Variants in TRPS1 observed in about 807,000 individuals in gnomAD.
TRPS1 encodes transcriptional repressor GATA binding 1.
A neutral mutation model predicts 101.2 loss-of-function variants in TRPS1; 6 were observed. The ratio of observed to expected loss-of-function variants is 0.06; its 90% CI spans 0.03 to 0.12. TRPS1 has a LOEUF of 0.12. TRPS1 is among the 10% of genes least tolerant of loss of function. The pLI, the probability that TRPS1 is intolerant of heterozygous loss-of-function variation, is 1.00. For synonymous variants in TRPS1, 578 were observed against 589.8 expected, an observed-to-expected ratio of 0.98 and a Z score of 0.29; for missense variants, 1,363 against 1,567.0, an observed-to-expected ratio of 0.87 and a Z score of 2.20.
intron 1 of TRPS1, among the ~76,000 whole-genome samples, chr8:115,666,898 A>G (rs1439046348): frequency 6.8e-6 from 1 of 147,510 alleles, no homozygotes; most frequent in Non-Finnish European, 1.5e-5. Context: ...TGTGTTTACA[A>G]AAGTTCAATG....
chr8:115,655,894 G>A (rs1408857497), intron 1 of TRPS1, among the ~76,000 whole-genome samples: 1 of 151,996 alleles, frequency 6.6e-6, no homozygotes, highest in African/African-American at 2.4e-5. Context: ...ACACAACACC[G>A]ATGTGATTAC....
intron 1 of TRPS1, among the ~76,000 whole-genome samples, chr8:115,630,001 A>G (rs1406922418): frequency 6.6e-6 from 1 of 151,926 alleles, no homozygotes; most frequent in East Asian, 1.9e-4. Context: ...TTATTGCATT[A>G]TTTTACCCCC....
intron 5 of TRPS1, among the ~76,000 whole-genome samples, chr8:115,477,991 C>T (rs1814647929): frequency 1.3e-5 from 2 of 152,144 alleles, no homozygotes; most frequent in Admixed American, 6.6e-5. Context: ...TCCTCCCTTT[C>T]TCCCTTTCCT....
chr8:115,413,423 G>A lies in TRPS1; in HGVS notation c.*600C>T, dbSNP rs1812834864. On this transcript the variant is annotated 3_prime_UTR_variant, in exon 7 of 7. Coordinates refer to ENST00000395715, the MANE Select transcript of TRPS1 (RefSeq NM_014112.5). ...ACAGCGTGCCACCATCTGTCATGTTGCTTGCTGCACTCTAACCAAGCCTAA... is the reference window on the plus strand; with the variant it reads ...ACAGCGTGCCACCATCTGTCATGTTACTTGCTGCACTCTAACCAAGCCTAA... 1 of 152,796 alleles carries A rather than the reference G, an allele frequency of 6.5e-6. No individual in the cohort carries two copies. Among genetic ancestry groups the A allele is most frequent in the Non-Finnish European group, 1.5e-5 (1 of 68,242 alleles). 9.5% of individuals were successfully genotyped at this position (152,796 alleles called of 1,614,324 possible).
At chr8:115,553,078 G>A (rs945381816) in intron 5 of TRPS1, among the ~76,000 whole-genome samples, 17 of 152,036 alleles carry the variant, frequency 1.1e-4, no homozygotes, top group African/African-American at 4.8e-5. Context: ...AACTCAAAGC[G>A]TGTGTCCTAA....
chr8:115,529,045 C>G (rs1270523704), intron 5 of TRPS1, among the ~76,000 whole-genome samples: 1 of 151,802 alleles, frequency 6.6e-6, no homozygotes, highest in Admixed American at 6.6e-5. Flanking sequence ...ATTAAGGAAC[C>G]AATGCTATGA....
At chr8:115,608,376 C>T (rs1818087219) in intron 3 of TRPS1, among the ~76,000 whole-genome samples, 1 of 152,196 alleles carries the variant, frequency 6.6e-6, no homozygotes, top group Non-Finnish European at 1.5e-5. Context: ...TTGTGTCAGA[C>T]TCTGCAATAG....
rs1024281568 is a variant in TRPS1, at chr8:115,411,783, CTTTCTCT to C, written c.*2233_*2239del. ...ACTTAGTCCTGATTTCTGTCTCTTG[CTTTCTCT>C]TTTCTCTTTTTTTAATATGCAAACA... On this transcript the variant is annotated 3_prime_UTR_variant, in exon 7 of 7. Coordinates refer to ENST00000395715, the MANE Select transcript of TRPS1 (RefSeq NM_014112.5). 2.0e-5 allele frequency: 3 copies of C among 152,128 alleles called. No homozygotes were observed. Among genetic ancestry groups the C allele is most frequent in the African/African-American group, 4.8e-5 (2 of 41,418 alleles). The allele number at this position is 152,128 out of a possible 1,614,324, so 9.4% of individuals were successfully genotyped here. A position where few individuals can be genotyped will look rare whatever the true frequency, so the allele number is the denominator to read the frequency against.
chr8:115,557,952 A>G (rs1357442956), intron 5 of TRPS1, among the ~76,000 whole-genome samples: 2 of 152,114 alleles, frequency 1.3e-5, no homozygotes, highest in African/African-American at 4.8e-5. Context: ...CAAAAACACT[A>G]CTACTTGTAA....
intron 5 of TRPS1, among the ~76,000 whole-genome samples, chr8:115,586,334 G>C (rs1243844779): frequency 6.6e-6 from 1 of 152,116 alleles, no homozygotes; most frequent in Non-Finnish European, 1.5e-5. Context: ...CTTACTCAGA[G>C]GTTTTGTTTT....
At chr8:115,515,024 A>C (rs948371346) in intron 5 of TRPS1, among the ~76,000 whole-genome samples, 3 of 151,704 alleles carry the variant, frequency 2.0e-5, no homozygotes, top group African/African-American at 4.8e-5. Flanking sequence ...GATCAAGTAC[A>C]TACTTAAGAT....
chr8:115,601,452 T>C (rs1382118923), intron 4 of TRPS1, among the ~76,000 whole-genome samples: 5 of 152,176 alleles, frequency 3.3e-5, no homozygotes. Flanking sequence ...AGTTTCTTTA[T>C]CTTTTCTACT....
At chr8:115,533,458 T>TTTTTTTTTTTTTTTTG (rs1816200077) in intron 5 of TRPS1, among the ~76,000 whole-genome samples, 2 of 134,874 alleles carry the variant, frequency 1.5e-5, no homozygotes, top group African/African-American at 2.8e-5. Flanking sequence ...TTTTTTTTTT[T>TTTTTTTTTTTTTTTTG]TCCTGAAAAA....
rs1586274571 is a variant in TRPS1, at chr8:115,439,381, C to A, written c.2701-20929G>T. ...ATTGAGCTAGTGGACATGGCAGAGA[C>A]AAATAAAGCAAAGTCATTATGAAGT... On this transcript the variant is annotated intron_variant, in intron 5 of 6. Transcript: ENST00000395715. Among the ~76,000 whole-genome samples, 6 of 152,248 alleles carry A rather than the reference C, an allele frequency of 3.9e-5. 1 individual carries two copies. Among genetic ancestry groups the A allele is most frequent in the Admixed American group, 3.9e-4 (6 of 15,300 alleles).
chr8:115,594,792 A>G (rs1817751506), intron 4 of TRPS1, among the ~76,000 whole-genome samples: 1 of 151,952 alleles, frequency 6.6e-6, no homozygotes, highest in African/African-American at 2.4e-5. Flanking sequence ...GAATGCTTCT[A>G]GAAAAAAATC....
intron 5 of TRPS1, among the ~76,000 whole-genome samples, chr8:115,559,996 C>A (rs1469190429): frequency 6.6e-6 from 1 of 151,980 alleles, no homozygotes; most frequent in Non-Finnish European, 1.5e-5. Flanking sequence ...ACTAGGTTCC[C>A]AAAGCACAAG....
Position 115,498,385 on chromosome 8 carries a change from C to G in TRPS1, c.2701-79933G>C, listed in dbSNP as rs920523231. Among the ~76,000 whole-genome samples the G allele has an allele frequency of 6.9e-4, 47 of 68,236 alleles. 2 individuals are homozygous for G. The highest frequency in any genetic ancestry group is 6.9e-4 in the Admixed American group (4 of 5,830). 44.8% of individuals were successfully genotyped at this position (68,236 alleles called of 152,430 possible). A position where few individuals can be genotyped will look rare whatever the true frequency, so the allele number is the denominator to read the frequency against. ...AAAGAGAGAGCCCGTCTCTCTCTCT[C>G]TCTCTCTCTCTCTCTCTCTCTCTCT... On this transcript the variant is annotated intron_variant, in intron 5 of 6. Coordinates refer to ENST00000395715, the MANE Select transcript of TRPS1 (RefSeq NM_014112.5).
chr8:115,648,610 G>C (rs1167556238), intron 1 of TRPS1, among the ~76,000 whole-genome samples: 1 of 152,192 alleles, frequency 6.6e-6, no homozygotes, highest in African/African-American at 2.4e-5. Flanking sequence ...TGCTATTTCT[G>C]TTCCTGATCT....
chr8:115,538,368 C>T (rs1304877578), intron 5 of TRPS1, among the ~76,000 whole-genome samples: 2 of 152,096 alleles, frequency 1.3e-5, no homozygotes, highest in African/African-American at 4.8e-5. Flanking sequence ...ATTTTGTTTG[C>T]TCTATGAACA....
Sources: gnomAD v4.1 joint callset for allele counts (sites outside exome capture counted in the v4.1 genomes callset) on GRCh38, gnomAD v4.1.1 for gene constraint, MANE v1.5 for transcripts, NCBI Gene and HGNC (gene_info 2026-07-23, HGNC 2026-07-21) for gene names.